MAGI2: variants seen among roughly 807,000 people sequenced by gnomAD.
The protein encoded by MAGI2 is membrane-associated guanylate kinase, WW and PDZ domain-containing protein 2.
MAGI2 carries 35 observed loss-of-function variants against 133.3 expected under a neutral mutation model. That is an observed-to-expected ratio of 0.26 (90% CI 0.20 to 0.35). The LOEUF (loss-of-function observed/expected upper bound fraction) is 0.35, where lower values mean the gene tolerates loss of function less well. Ranked by LOEUF, MAGI2 falls within the 10% of genes least tolerant of loss-of-function variation. MAGI2 has a pLI of 1.00. For synonymous variants in MAGI2, 729 were observed against 710.6 expected (o/e 1.03, Z -0.41); for missense variants, 1,636 against 1,863.4 (o/e 0.88, Z 2.25).
At chr7:78,275,414 C>G (rs768220631) in intron 9 of MAGI2, among the ~76,000 whole-genome samples, 1 of 152,196 alleles carries the variant, frequency 6.6e-6, no homozygotes, top group Admixed American at 6.5e-5. Flanking sequence ...CCAGATGATA[C>G]TTTATCTTGA....
chr7:78,661,801 T>C (rs1213653343), intron 2 of MAGI2, among the ~76,000 whole-genome samples: 19 of 152,214 alleles, frequency 1.2e-4, no homozygotes, highest in Admixed American at 1.2e-3. Flanking sequence ...TGCCAACTCA[T>C]AATGTGCTTG....
At chr7:78,931,795 C>T (rs1800141516) in intron 2 of MAGI2, among the ~76,000 whole-genome samples, 1 of 151,988 alleles carries the variant, frequency 6.6e-6, no homozygotes, top group Admixed American at 6.6e-5. Flanking sequence ...TTGATCTTTC[C>T]TTTCACTCTC....
At chr7:78,423,804 G>C (rs541076666) in intron 6 of MAGI2, among the ~76,000 whole-genome samples, 4 of 152,258 alleles carry the variant, frequency 2.6e-5, no homozygotes, top group South Asian at 4.1e-4. Context: ...GAAGTTGAGA[G>C]AGATGATTTA....
At chr7:79,038,101 A>T (rs1438350532) in intron 1 of MAGI2, among the ~76,000 whole-genome samples, 1 of 152,134 alleles carries the variant, frequency 6.6e-6, no homozygotes, top group Non-Finnish European at 1.5e-5. Context: ...GTCTAGATTG[A>T]TTATTTTATT....
chr7:78,270,207 C>G (rs1473795689), intron 9 of MAGI2, among the ~76,000 whole-genome samples: 4 of 152,080 alleles, frequency 2.6e-5, no homozygotes, highest in Non-Finnish European at 5.9e-5. Flanking sequence ...CATGATGTCT[C>G]CAGTTTTGTT....
At chr7:78,627,084 C>G (rs199579000) in intron 3 of MAGI2, 36 bp downstream of exon 3, 1 of 1,534,518 alleles carries the variant, frequency 6.5e-7, no homozygotes. Context: ...AAATGTGATG[C>G]CAACAAGAAA....
chr7:78,085,286 T>C (rs1199662022), intron 20 of MAGI2, among the ~76,000 whole-genome samples: 2 of 152,128 alleles, frequency 1.3e-5, no homozygotes, highest in South Asian at 4.1e-4. Flanking sequence ...CTCAGTTCTT[T>C]GGAAGGCTGA....
intron 6 of MAGI2, among the ~76,000 whole-genome samples, chr7:78,406,220 G>T (rs1192718577): frequency 1.3e-5 from 2 of 151,956 alleles, no homozygotes; most frequent in Non-Finnish European, 2.9e-5. Context: ...GAGCAAAACA[G>T]TCCATGACCT....
chr7:79,187,613 C>T (rs1309942801), intron 1 of MAGI2, among the ~76,000 whole-genome samples: 2 of 151,680 alleles, frequency 1.3e-5, no homozygotes, highest in Non-Finnish European at 2.9e-5. Flanking sequence ...TTCCAGAGGT[C>T]AAAGTAGCTG....
At position 78,183,859 on chromosome 7, in the gene MAGI2, G is replaced by A. The variant is rs972994680; in HGVS notation, c.2311+1770C>T. On this transcript the variant is annotated intron_variant, in intron 13 of 21. Coordinates refer to ENST00000354212, the MANE Select transcript of MAGI2 (RefSeq NM_012301.4). ...TGAGATTATAGGCATGAGCCACAGC[G>A]CCAAGCAAGATATATTTATTTTAAA... is the stretch of plus-strand genomic sequence containing the variant. Among the ~76,000 whole-genome samples the A allele has an allele frequency of 3.9e-5, 6 of 152,214 alleles. No individual in the cohort carries two copies. The South Asian group carries it at 6.2e-4, about 16-fold the overall frequency.
At chr7:78,448,946 C>A (rs534644999) in intron 6 of MAGI2, among the ~76,000 whole-genome samples, 2 of 152,062 alleles carry the variant, frequency 1.3e-5, no homozygotes, top group African/African-American at 4.8e-5. Flanking sequence ...TTTTACCTTG[C>A]CATTTAACAG....
At chr7:79,210,315 T>C (rs1368495388) in intron 1 of MAGI2, among the ~76,000 whole-genome samples, 3 of 152,094 alleles carry the variant, frequency 2.0e-5, no homozygotes, top group Non-Finnish European at 4.4e-5. Context: ...AAAGCTTCTA[T>C]AAATGTTGAT....
chr7:79,214,653 ATATATT>A (rs1829851020), intron 1 of MAGI2, among the ~76,000 whole-genome samples: 1 of 140,888 alleles, frequency 7.1e-6, no homozygotes, highest in Admixed American at 7.4e-5. Flanking sequence ...TTATAATTTT[ATATATT>A]TATAATTATG....
At chr7:78,445,265 A>G (rs1422021534) in intron 6 of MAGI2, among the ~76,000 whole-genome samples, 1 of 152,062 alleles carries the variant, frequency 6.6e-6, no homozygotes, top group African/African-American at 2.4e-5. Context: ...ATTTTTAAAA[A>G]TTTTAAATTA....
Position 78,856,195 on chromosome 7 carries a change from G to A in MAGI2, c.418+150895C>T, listed in dbSNP as rs188059309. 2.1e-3 allele frequency among the ~76,000 whole-genome samples: 321 copies of A among 152,244 alleles called. 1 individual carries two copies. The highest frequency in any genetic ancestry group is 1.6e-3 in the Non-Finnish European group (106 of 68,016). On this transcript the variant is annotated intron_variant, in intron 2 of 21. Coordinates refer to ENST00000354212, the MANE Select transcript of MAGI2 (RefSeq NM_012301.4). ...AGATTGAAAAATTTTCTCTCATTCT[G>A]TAGGTTGCCTGTTCACTCTGATGGT...
intron 2 of MAGI2, among the ~76,000 whole-genome samples, chr7:78,679,825 G>C (rs534684103): frequency 6.6e-6 from 1 of 152,128 alleles, no homozygotes; most frequent in East Asian, 1.9e-4. Flanking sequence ...TAAGGAAATT[G>C]TGCCCTAGAT....
At chr7:78,477,478 G>A (rs1025145984) in intron 6 of MAGI2, among the ~76,000 whole-genome samples, 2 of 151,932 alleles carry the variant, frequency 1.3e-5, no homozygotes, top group African/African-American at 4.8e-5. Flanking sequence ...AATTTATAAA[G>A]GAGAGAGGTT....
intron 1 of MAGI2, among the ~76,000 whole-genome samples, chr7:79,018,055 G>T (rs1209284543): frequency 1.3e-5 from 2 of 151,910 alleles, no homozygotes; most frequent in Non-Finnish European, 2.9e-5. Flanking sequence ...TGCTAGAGAG[G>T]TCAACATTCA....
intron 6 of MAGI2, among the ~76,000 whole-genome samples, chr7:78,401,930 C>CT (rs11372680): frequency 0.28 from 42,849 of 150,440 alleles, 7,083 homozygotes; most frequent in East Asian, 0.63. Context: ...TAGAAAATGG[C>CT]TTTTTTTTTC....
Sources: gnomAD v4.1 joint callset for allele counts (sites outside exome capture counted in the v4.1 genomes callset) on GRCh38, gnomAD v4.1.1 for gene constraint, MANE v1.5 for transcripts, NCBI Gene and HGNC (gene_info 2026-07-23, HGNC 2026-07-21) for gene names.